NCAPG2: variants seen among roughly 807,000 people sequenced by gnomAD.
NCAPG2 encodes non-SMC condensin II complex subunit G2.
A neutral mutation model predicts 141.1 loss-of-function variants in NCAPG2; 53 were observed. The observed-to-expected ratio is 0.38, with a 90% confidence interval of 0.30 to 0.47. The LOEUF (loss-of-function observed/expected upper bound fraction) is 0.47. Among genes scored for constraint, NCAPG2 ranks in the 20% least tolerant of loss-of-function variants. NCAPG2 has a pLI of 0.99. For synonymous variants in NCAPG2, 499 were observed against 490.7 expected, an observed-to-expected ratio of 1.02 and a Z score of -0.22; for missense variants, 1,087 against 1,389.0, an observed-to-expected ratio of 0.78 and a Z score of 3.46.
At chr7:158,652,229 G>T in intron 23 of NCAPG2, 64 bp downstream of exon 23, 2 of 1,470,468 alleles carry the variant, frequency 1.4e-6, no homozygotes, top group Non-Finnish European at 1.9e-6. Context: ...TGATGCATCT[G>T]TGTAGGTGTA....
At chr7:158,667,490 C>G (rs1410662634) in intron 13 of NCAPG2, among the ~76,000 whole-genome samples, 6 of 113,908 alleles carry the variant, frequency 5.3e-5, no homozygotes, top group African/African-American at 1.6e-4. Flanking sequence ...GGTCCCTCCG[C>G]CCGCCTTACC....
At chr7:158,703,615 C>T (rs901618057) in intron 1 of NCAPG2, 1 of 152,212 alleles carries the variant, frequency 6.6e-6, no homozygotes, top group African/African-American at 2.4e-5. Context: ...GCCCTGCAGC[C>T]AGAATGCTAC....
At chr7:158,642,402 G>GTGGCACA (rs1830712244) in intron 27 of NCAPG2, among the ~76,000 whole-genome samples, 1 of 152,072 alleles carries the variant, frequency 6.6e-6, no homozygotes, top group Non-Finnish European at 1.5e-5. Context: ...GCTGTGCATG[G>GTGGCACA]TGGCACACTT....
chr7:158,665,518 T>G (rs1832860695), intron 13 of NCAPG2: 1 of 152,204 alleles, frequency 6.6e-6, no homozygotes, highest in Non-Finnish European at 1.5e-5. Context: ...ACCCTCGACC[T>G]TGCATTTTTC....
At position 158,644,376 on chromosome 7, in the gene NCAPG2, C is replaced by A. The variant is rs768955279; in HGVS notation, c.3293G>T (p.Ser1098Ile). The change falls in exon 27 of 28, where the codon AGC (serine) becomes ATC (isoleucine). Residue 1098 changes from serine to isoleucine, a missense_variant. Ser to Ile is a moderately radical substitution (Grantham distance 142). Transcript: ENST00000356309. ...ILVINAGKHK[S>I]SKVREVAATV... ...GGCTGCAACCTCCCTCACTTTTGAG[C>A]TTTTATGTTTACCTGGGAAAATTAT... The A allele has an allele frequency of 1.9e-6, 3 of 1,613,442 alleles. No individual in the cohort carries two copies. The highest frequency in any genetic ancestry group is 2.5e-6 in the Non-Finnish European group (3 of 1,179,518).
chr7:158,667,106 G>A (rs1351958537), intron 13 of NCAPG2: 2 of 979,264 alleles, frequency 2.0e-6, no homozygotes, highest in Admixed American at 6.1e-5. Context: ...TAACTTTCAA[G>A]GGAAATTAGC....
intron 5 of NCAPG2, among the ~76,000 whole-genome samples, chr7:158,690,175 G>A (rs559458856): frequency 2.6e-5 from 4 of 152,126 alleles, no homozygotes; most frequent in Non-Finnish European, 5.9e-5. Context: ...AATCCAGCAA[G>A]TTTAAGAACT....
intron 12 of NCAPG2, among the ~76,000 whole-genome samples, chr7:158,674,348 AC>A (rs1461043393): frequency 1.3e-5 from 2 of 151,416 alleles, no homozygotes; most frequent in African/African-American, 4.9e-5. Flanking sequence ...GTGCAGTGGC[AC>A]AATCTTGGCT....
intron 12 of NCAPG2, among the ~76,000 whole-genome samples, chr7:158,675,145 CT>C (rs1303024864): frequency 6.6e-6 from 1 of 152,166 alleles, no homozygotes; most frequent in African/African-American, 2.4e-5. Context: ...TAAAAAATTA[CT>C]TAAGTGAATC....
At chr7:158,686,777 T>C (rs1326603696) in intron 7 of NCAPG2, among the ~76,000 whole-genome samples, 1 of 152,356 alleles carries the variant, frequency 6.6e-6, no homozygotes, top group South Asian at 2.1e-4. Context: ...TTGGTACTTA[T>C]ACAGTTGCCT....
Position 158,701,926 on chromosome 7 carries a change from T to G in NCAPG2, c.-27A>C, listed in dbSNP as rs370596423. The stretch of plus-strand genomic sequence containing the variant: ...ACAGATGGCACTGTTCAAATGGCAT[T>G]TATTTTGTAACCCTAATGGAAAACA... On this transcript the variant is annotated 5_prime_UTR_variant, in exon 2 of 28. Transcript: ENST00000356309. 2 of 1,577,184 alleles carry G rather than the reference T, an allele frequency of 1.3e-6. No homozygotes were observed. The highest frequency in any genetic ancestry group is 2.7e-5 in the African/African-American group (2 of 73,452).
At chr7:158,683,741 T>A (rs972896580) in intron 8 of NCAPG2, among the ~76,000 whole-genome samples, 5 of 152,224 alleles carry the variant, frequency 3.3e-5, no homozygotes, top group Non-Finnish European at 5.9e-5. Flanking sequence ...GACTCATCAC[T>A]GACCTGGACA....
Position 158,664,696 on chromosome 7 carries a change from G to A in NCAPG2, c.1534C>T (p.Arg512Ter), listed in dbSNP as rs760438733. 2.5e-6 allele frequency: 4 copies of A among 1,614,028 alleles called. No individual in the cohort carries two copies. Among genetic ancestry groups the A allele is most frequent in the South Asian group, 1.1e-5 (1 of 91,084 alleles). Residue 512 changes from arginine (R) to a stop codon, truncating the protein, a stop_gained, in exon 14 of 28, where the codon CGA becomes TGA. Coordinates refer to ENST00000356309, the MANE Select transcript of NCAPG2 (RefSeq NM_017760.7). LOFTEE classifies it high-confidence loss of function. ...HILVRLETDS[R>*]PVSRRLVSLI... ...CTCACCAGGCGCCGAGACACAGGTC[G>A]AGAATCAGTTTCCAGACGAACCAGA...
intron 12 of NCAPG2, among the ~76,000 whole-genome samples, chr7:158,672,328 ATTTTTTTTTTTT>A (rs869090702): frequency 3.4e-4 from 11 of 32,234 alleles, no homozygotes; most frequent in African/African-American, 1.4e-3. Flanking sequence ...ATATATATAT[ATTTTTTTTTTTT>A]TTTTTTTTTT....
At chr7:158,662,045 T>C (rs908674247) in intron 16 of NCAPG2, 149 bp downstream of exon 16, 10 of 713,704 alleles carry the variant, frequency 1.4e-5, no homozygotes, top group South Asian at 5.8e-5. Flanking sequence ...AGAAAGAAAC[T>C]ATACTGCAAG....
At chr7:158,676,334 G>GT in intron 11 of NCAPG2, among the ~76,000 whole-genome samples, 1 of 152,304 alleles carries the variant, frequency 6.6e-6, no homozygotes, top group African/African-American at 2.4e-5. Context: ...AAAACAGCAA[G>GT]TTTTAAGAAA....
intron 27 of NCAPG2, chr7:158,641,590 G>C (rs1045121050): frequency 3.4e-6 from 2 of 582,908 alleles, no homozygotes; most frequent in Non-Finnish European, 6.0e-6. Flanking sequence ...TGAATAAAAA[G>C]ATATACCATG....
chr7:158,695,975 A>C (rs1452437286), intron 2 of NCAPG2, among the ~76,000 whole-genome samples: 1 of 152,250 alleles, frequency 6.6e-6, no homozygotes, highest in Non-Finnish European at 1.5e-5. Context: ...TGCCCCAGCA[A>C]GGTGCCTTTT....
chr7:158,684,465 A>C (rs929900271), intron 8 of NCAPG2, among the ~76,000 whole-genome samples: 1 of 152,250 alleles, frequency 6.6e-6, no homozygotes, highest in East Asian at 1.9e-4. Flanking sequence ...ATTTGAGATC[A>C]CTGGAAAAAT....
Sources: allele counts gnomAD v4.1 joint callset (sites outside exome capture counted in the v4.1 genomes callset), GRCh38; gene constraint gnomAD v4.1.1; transcripts MANE v1.5; gene names NCBI Gene and HGNC (gene_info 2026-07-23, HGNC 2026-07-21).